DAAM1: variants seen among roughly 807,000 people sequenced by gnomAD.
The protein encoded by DAAM1 is dishevelled associated activator of morphogenesis 1.
DAAM1 carries 52 observed loss-of-function variants against 130.0 expected under a neutral mutation model. The observed-to-expected ratio is 0.40, with a 90% CI of 0.32 to 0.50. The LOEUF (loss-of-function observed/expected upper bound fraction) is 0.50. Ranked by LOEUF, DAAM1 falls within the 20% of genes least tolerant of loss-of-function variation. DAAM1 has a pLI of 0.61. For synonymous variants in DAAM1, 452 were observed against 444.5 expected (o/e 1.02, Z -0.21); for missense variants, 1,134 against 1,303.8 (o/e 0.87, Z 2.01).
intron 1 of DAAM1, among the ~76,000 whole-genome samples, chr14:59,247,375 T>G (rs532551379): frequency 2.0e-5 from 3 of 152,326 alleles, no homozygotes; most frequent in Non-Finnish European, 4.4e-5. Flanking sequence ...TTCAAAATCC[T>G]TGAGATTCCA....
intron 21 of DAAM1, among the ~76,000 whole-genome samples, chr14:59,360,090 C>G (rs1219416106): frequency 2.0e-5 from 3 of 151,818 alleles, no homozygotes; most frequent in Non-Finnish European, 4.4e-5. Context: ...CTCATTTTTT[C>G]CCTCTGTTCA....
intron 16 of DAAM1, among the ~76,000 whole-genome samples, chr14:59,342,951 T>A (rs922754489): frequency 2.0e-5 from 3 of 152,106 alleles, no homozygotes. Context: ...AAATTATCAA[T>A]TGGATTGAAT....
Position 59,368,666 on chromosome 14 carries a change from A to G in DAAM1, c.3014A>G (p.Glu1005Gly). Reference sequence around the variant, plus strand: ...TATTTGCAGCTCAAAGAACAACGTGAAAGGGAACGTAAAATGAGAAAAGCT... The same window carrying G: ...TATTTGCAGCTCAAAGAACAACGTGGAAGGGAACGTAAAATGAGAAAAGCT... ...RMEAQLKEQR[E>G]RERKMRKAKE... The change falls in exon 25 of 25, where the codon GAA (glutamate) becomes GGA (glycine). Residue 1005 changes from glutamate to glycine, a missense_variant. Glu to Gly is a moderately conservative substitution (Grantham distance 98). Coordinates refer to ENST00000360909, the MANE Select transcript of DAAM1 (RefSeq NM_001270520.2). 1.2e-6 allele frequency: 2 copies of G among 1,613,196 alleles called. No homozygotes were observed. The highest frequency in any genetic ancestry group is 1.6e-4 in the Middle Eastern group (1 of 6,062).
chr14:59,333,332 A>G (rs1325502922), intron 15 of DAAM1, among the ~76,000 whole-genome samples: 1 of 152,106 alleles, frequency 6.6e-6, no homozygotes, highest in East Asian at 1.9e-4. Context: ...TGCTATACAC[A>G]CCAAATAAGG....
intron 3 of DAAM1, among the ~76,000 whole-genome samples, chr14:59,293,328 C>A (rs1292435317): frequency 6.6e-6 from 1 of 151,638 alleles, no homozygotes. Context: ...AAAGGCAAAC[C>A]CTGGAGAATA....
At chr14:59,272,073 T>C (rs1882734052) in intron 2 of DAAM1, among the ~76,000 whole-genome samples, 1 of 152,060 alleles carries the variant, frequency 6.6e-6, no homozygotes, top group Non-Finnish European at 1.5e-5. Flanking sequence ...TGTATAAGAC[T>C]TCAAAGATAC....
At chr14:59,244,182 A>C (rs12888137) in intron 1 of DAAM1, among the ~76,000 whole-genome samples, 28,677 of 150,708 alleles carry the variant, frequency 0.19, 3,216 homozygotes, top group Non-Finnish European at 0.25. Context: ...CATGCCTTTC[A>C]TCTTCTGCCA....
At chr14:59,199,396 C>T (rs1332516838) in intron 1 of DAAM1, among the ~76,000 whole-genome samples, 1 of 152,202 alleles carries the variant, frequency 6.6e-6, no homozygotes, top group Non-Finnish European at 1.5e-5. Flanking sequence ...CCGTGCAGGG[C>T]TGATCACCAC....
intron 1 of DAAM1, among the ~76,000 whole-genome samples, chr14:59,237,461 T>G (rs1889339297): frequency 6.6e-6 from 1 of 152,152 alleles, no homozygotes; most frequent in South Asian, 2.1e-4. Context: ...CTAAACAATA[T>G]AGGATTGCAT....
intron 1 of DAAM1, among the ~76,000 whole-genome samples, chr14:59,235,224 C>G (rs1314673): frequency 0.92 from 139,647 of 152,232 alleles, 64,084 homozygotes; most frequent in East Asian, 0.99. Context: ...AATGGCACCA[C>G]CTCATCTTTG....
chr14:59,267,373 G>A (rs1201191361), intron 2 of DAAM1, among the ~76,000 whole-genome samples: 5 of 152,098 alleles, frequency 3.3e-5, no homozygotes, highest in African/African-American at 1.2e-4. Context: ...CTTTAAAGAA[G>A]GTGGGCAGCA....
In DAAM1 at chr14:59,331,077, C is replaced by G. The variant is rs538999575; in HGVS notation, c.1561-132C>G. Reference sequence around the variant, plus strand: ...CCCAAAAGAGTCCATTCGACTTTACCGATCCTTTAAACATTCTCAGAAGGG... The same window carrying G: ...CCCAAAAGAGTCCATTCGACTTTACGGATCCTTTAAACATTCTCAGAAGGG... On this transcript the variant is annotated intron_variant, in intron 13 of 24. Coordinates refer to ENST00000360909, the MANE Select transcript of DAAM1 (RefSeq NM_001270520.2). The G allele has an allele frequency of 2.1e-6, 3 of 1,443,848 alleles. No homozygotes were observed. The African/African-American group carries it at 4.3e-5, about 21-fold the overall frequency. The allele number at this position is 1,443,848 out of a possible 1,614,324, so 89.4% of individuals were successfully genotyped here. A position where few individuals can be genotyped will look rare whatever the true frequency, so the allele number is the denominator to read the frequency against.
At position 59,353,977 on chromosome 14, in the gene DAAM1, T is replaced by C; in HGVS notation, c.2356+13T>C. 6.2e-7 allele frequency: 1 copy of C among 1,611,706 alleles called. No homozygotes were observed. Among genetic ancestry groups the C allele is most frequent in the Non-Finnish European group, 8.5e-7 (1 of 1,178,394 alleles). On this transcript the variant is annotated intron_variant, in intron 19 of 24. Coordinates refer to ENST00000360909, the MANE Select transcript of DAAM1 (RefSeq NM_001270520.2). Reference sequence around the variant, plus strand: ...CCTAAAGTGGAAGGTAAAGTCAAGCTGTCTAGATTGGAAATGATGTTCATC... The same window carrying C: ...CCTAAAGTGGAAGGTAAAGTCAAGCCGTCTAGATTGGAAATGATGTTCATC...
At chr14:59,283,672 A>G (rs944952671) in intron 2 of DAAM1, among the ~76,000 whole-genome samples, 1 of 152,176 alleles carries the variant, frequency 6.6e-6, no homozygotes. Flanking sequence ...TGCAAGAGAA[A>G]TGATGTACCT....
intron 1 of DAAM1, among the ~76,000 whole-genome samples, chr14:59,226,544 A>T (rs1012186381): frequency 6.6e-6 from 1 of 152,124 alleles, no homozygotes; most frequent in African/African-American, 2.4e-5. Context: ...TGGGGGTGGG[A>T]TGGGCCTGAC....
intron 1 of DAAM1, among the ~76,000 whole-genome samples, chr14:59,243,554 T>G (rs34255509): frequency 6.6e-6 from 1 of 152,084 alleles, no homozygotes; most frequent in East Asian, 1.9e-4. Context: ...TTTACAGATA[T>G]CAAGAGCTAT....
At chr14:59,281,942 G>A (rs993650724) in intron 2 of DAAM1, among the ~76,000 whole-genome samples, 29 of 152,126 alleles carry the variant, frequency 1.9e-4, no homozygotes, top group Admixed American at 1.0e-3. Context: ...AGTTATTATC[G>A]AATTTAATCT....
chr14:59,360,482 T>G (rs1886663481), intron 21 of DAAM1, among the ~76,000 whole-genome samples: 1 of 152,214 alleles, frequency 6.6e-6, no homozygotes, highest in Non-Finnish European at 1.5e-5. Flanking sequence ...AGAGATTTAT[T>G]TCTACATGAA....
rs573357246 is a variant in DAAM1 at position 59,321,982 on chromosome 14, A to T, written c.441-910A>T. Among the ~76,000 whole-genome samples, 36 of 152,352 alleles carry T rather than the reference A, an allele frequency of 2.4e-4. 1 individual carries two copies. The highest frequency in any genetic ancestry group is 1.2e-3 in the South Asian group (6 of 4,826). The stretch of plus-strand genomic sequence containing the variant: ...ATTGATTAACTTAAGTGTAAGAAAT[A>T]TTAATAACGTTAGTATGCAACAATA... On this transcript the variant is annotated intron_variant, in intron 5 of 24. Transcript: ENST00000360909.
Sources: allele counts gnomAD v4.1 joint callset (sites outside exome capture counted in the v4.1 genomes callset), GRCh38; gene constraint gnomAD v4.1.1; transcripts MANE v1.5; gene names NCBI Gene and HGNC (gene_info 2026-07-23, HGNC 2026-07-21).